LRRC36: variants seen among roughly 807,000 people sequenced by gnomAD.
The protein encoded by LRRC36 is leucine rich repeat containing 36.
A neutral mutation model predicts 81.1 loss-of-function variants in LRRC36; 62 were observed. That is an observed-to-expected ratio of 0.76 (90% confidence interval 0.62 to 0.94). The LOEUF is 0.94. Among genes scored for constraint, LRRC36 ranks in the 40% least tolerant of loss-of-function variants. The pLI is 0.00. For missense variants in LRRC36, 761 were observed against 881.7 expected (o/e 0.86, Z 1.73); for synonymous variants, 334 against 348.6 (o/e 0.96, Z 0.47).
At chr16:67,340,393 C>T (rs2037974294) in intron 1 of LRRC36, among the ~76,000 whole-genome samples, 1 of 151,604 alleles carries the variant, frequency 6.6e-6, no homozygotes, top group Non-Finnish European at 1.5e-5. Context: ...CTCAGTGGCT[C>T]ATGCCTGTAA....
intron 2 of LRRC36, among the ~76,000 whole-genome samples, chr16:67,344,466 G>A (rs1219358098): frequency 3.9e-5 from 6 of 151,980 alleles, no homozygotes; most frequent in Non-Finnish European, 8.8e-5. Flanking sequence ...TTGTTGGTGC[G>A]TGCCTATAAT....
chr16:67,375,175 C>A, intron 9 of LRRC36, 72 bp from the exon 10 acceptor site: 1 of 1,491,930 alleles, frequency 6.7e-7, no homozygotes, highest in Non-Finnish European at 9.1e-7. Flanking sequence ...ATTCTTACTT[C>A]CTTTATTGTG....
chr16:67,376,594 C>A, intron 10 of LRRC36, 133 bp from the exon 11 acceptor site: 1 of 865,886 alleles, frequency 1.2e-6, no homozygotes, highest in Non-Finnish European at 1.8e-6. Flanking sequence ...CTCTTTCTGC[C>A]ACTTACTAAG....
intron 4 of LRRC36, among the ~76,000 whole-genome samples, chr16:67,348,834 T>C (rs1002343213): frequency 1.3e-5 from 2 of 152,180 alleles, no homozygotes; most frequent in Non-Finnish European, 2.9e-5. Context: ...TAAGAAATAA[T>C]GTATTGAATG....
intron 9 of LRRC36, chr16:67,371,551 G>A (rs866387350): frequency 2.1e-5 from 8 of 378,624 alleles, no homozygotes; most frequent in African/African-American, 4.1e-5. Context: ...CATTTGCTTC[G>A]GCCACACATG....
At chr16:67,355,595 C>T (rs914442232) in intron 5 of LRRC36, among the ~76,000 whole-genome samples, 93 of 151,898 alleles carry the variant, frequency 6.1e-4, no homozygotes, top group Middle Eastern at 6.8e-3. Context: ...GGGATGGTCT[C>T]GATCTCCTGA....
chr16:67,341,286 C>G (rs1259896079), intron 1 of LRRC36, among the ~76,000 whole-genome samples: 1 of 131,588 alleles, frequency 7.6e-6, no homozygotes, highest in Non-Finnish European at 1.6e-5. Context: ...TATCTATAGT[C>G]TATAGACAGT....
At chr16:67,347,162 A>C (rs1453706350) in intron 3 of LRRC36, among the ~76,000 whole-genome samples, 1 of 152,156 alleles carries the variant, frequency 6.6e-6, no homozygotes, top group Non-Finnish European at 1.5e-5. Flanking sequence ...TGGCCCTGGG[A>C]AAGTAATTGT....
Position 67,376,751 on chromosome 16 carries a change from C to G in LRRC36, c.1685C>G (p.Ser562Cys), listed in dbSNP as rs1161848324. 7 of 1,613,320 alleles carry G rather than the reference C, an allele frequency of 4.3e-6. No individual in the cohort carries two copies. The highest frequency in any genetic ancestry group is 1.3e-5 in the African/African-American group (1 of 74,924). The change falls in exon 11 of 14, where the codon TCT becomes TGT. Residue 562 changes from serine (S) to cysteine (C), a missense_variant. Ser to Cys is a moderately radical substitution (Grantham distance 112). Coordinates refer to ENST00000329956, the MANE Select transcript of LRRC36 (RefSeq NM_018296.6). ...GGTCCTGCCCGAGATTTGCTTCTGT[C>G]TTTGGTAGTCCCGGCTCCTTCTCAG... Reference protein sequence around the residue: ...FLGPARDLLLSLVVPAPSQPR... With the variant: ...FLGPARDLLLCLVVPAPSQPR...
intron 5 of LRRC36, among the ~76,000 whole-genome samples, chr16:67,352,460 T>C (rs1194166427): frequency 2.0e-5 from 3 of 152,136 alleles, no homozygotes; most frequent in Non-Finnish European, 4.4e-5. Flanking sequence ...ACCTCCACTG[T>C]CTTGGATCCT....
At chr16:67,333,343 G>C (rs2142572084) in intron 1 of LRRC36, among the ~76,000 whole-genome samples, 1 of 152,202 alleles carries the variant, frequency 6.6e-6, no homozygotes, top group East Asian at 1.9e-4. Context: ...TGTTGGCCAG[G>C]CTGGTCTTGA....
chr16:67,368,018 C>T (rs2039479444), intron 8 of LRRC36, among the ~76,000 whole-genome samples: 1 of 152,150 alleles, frequency 6.6e-6, no homozygotes, highest in African/African-American at 2.4e-5. Context: ...AAGATCGGGC[C>T]ACTGCACTCC....
chr16:67,341,841 C>G, intron 1 of LRRC36, 116 bp from the exon 2 acceptor site: 1 of 639,870 alleles, frequency 1.6e-6, no homozygotes. Flanking sequence ...TCTTATGAGG[C>G]TTGGATGTAG....
intron 1 of LRRC36, among the ~76,000 whole-genome samples, chr16:67,329,345 C>T (rs1291758299): frequency 1.3e-5 from 2 of 152,140 alleles, no homozygotes; most frequent in East Asian, 1.9e-4. Context: ...GGCTGGAGTG[C>T]AGTGGCATGA....
rs201885230 is a variant in LRRC36 at position 67,376,806 on chromosome 16, G to A, written c.1740G>A (p.Thr580=). The change falls in exon 11 of 14, where the codon ACG becomes ACA. Residue 580 remains threonine (T), a synonymous_variant. Transcript: ENST00000329956. ...QPRCCSHPED[T]MKAFCRRELE... ...GGTGTTGCTCACATCCTGAAGACAC[G>A]ATGAAAGCATTCTGCAGGAGGGAGC... 2.5e-5 allele frequency: 41 copies of A among 1,614,020 alleles called. No individual in the cohort carries two copies. In the East Asian group the frequency reaches 4.5e-4, roughly 18 times the overall value.
intron 1 of LRRC36, among the ~76,000 whole-genome samples, chr16:67,332,926 C>A (rs1216181606): frequency 6.6e-6 from 1 of 151,294 alleles, no homozygotes; most frequent in African/African-American, 2.4e-5. Context: ...TGGTCTTATT[C>A]TGTTGCCCAA....
intron 1 of LRRC36, among the ~76,000 whole-genome samples, chr16:67,327,579 T>C: frequency 6.6e-6 from 1 of 152,156 alleles, no homozygotes; most frequent in Non-Finnish European, 1.5e-5. Flanking sequence ...CAGTTGGATA[T>C]ATGGGTCTGG....
At chr16:67,365,922 A>G (rs1186379271) in intron 7 of LRRC36, among the ~76,000 whole-genome samples, 2 of 152,086 alleles carry the variant, frequency 1.3e-5, no homozygotes, top group Admixed American at 6.5e-5. Context: ...TTAATTTACT[A>G]CTGTTTGTTC....
At chr16:67,336,383 A>G (rs754151633) in intron 1 of LRRC36, among the ~76,000 whole-genome samples, 2 of 152,220 alleles carry the variant, frequency 1.3e-5, no homozygotes, top group Non-Finnish European at 2.9e-5. Flanking sequence ...TTAGCTTTGC[A>G]AGAAACTGCC....
Sources: gnomAD v4.1 joint callset for allele counts (sites outside exome capture counted in the v4.1 genomes callset) on GRCh38, gnomAD v4.1.1 for gene constraint, MANE v1.5 for transcripts, NCBI Gene and HGNC (gene_info 2026-07-23, HGNC 2026-07-21) for gene names.